The following CRPPA variants were observed in gnomAD, a reference collection of about 807,000 sequenced individuals.
CRPPA encodes the protein D-ribitol-5-phosphate cytidylyltransferase.
CRPPA carries 43 observed loss-of-function variants against 52.0 expected under a neutral mutation model. The observed-to-expected ratio is 0.83, with a 90% CI of 0.65 to 1.07. The LOEUF (loss-of-function observed/expected upper bound fraction) is 1.07, where lower values mean the gene tolerates loss of function less well. Among genes scored for constraint, CRPPA ranks in the 50% least tolerant of loss-of-function variants. The pLI, the probability that CRPPA is intolerant of heterozygous loss-of-function variation, is 0.00. For synonymous variants in CRPPA, 250 were observed against 203.5 expected (o/e 1.23, Z -1.94); for missense variants, 629 against 551.7 (o/e 1.14, Z -1.40).
intron 3 of CRPPA, among the ~76,000 whole-genome samples, chr7:16,364,148 G>A (rs994847051): frequency 5.9e-5 from 9 of 152,106 alleles, no homozygotes; most frequent in African/African-American, 2.2e-4. Context: ...TTACACTTAC[G>A]TGCCTGAAAG....
intron 9 of CRPPA, among the ~76,000 whole-genome samples, chr7:16,110,414 A>G (rs1401980524): frequency 6.6e-6 from 1 of 152,130 alleles, no homozygotes; most frequent in Non-Finnish European, 1.5e-5. Flanking sequence ...CATACAAATA[A>G]AAAATATTGT....
At chr7:16,294,498 G>A (rs1784631490) in intron 5 of CRPPA, among the ~76,000 whole-genome samples, 1 of 151,706 alleles carries the variant, frequency 6.6e-6, no homozygotes. Flanking sequence ...GATTTCAAGG[G>A]GAACAAACTG....
intron 3 of CRPPA, among the ~76,000 whole-genome samples, chr7:16,345,980 G>GT (rs1344340206): frequency 2.6e-5 from 4 of 152,164 alleles, no homozygotes; most frequent in Non-Finnish European, 4.4e-5. Flanking sequence ...CGTTGTAGAC[G>GT]TAAGTGTTCT....
At chr7:16,387,760 A>G (rs184737364) in intron 2 of CRPPA, among the ~76,000 whole-genome samples, 56 of 152,342 alleles carry the variant, frequency 3.7e-4, no homozygotes, top group African/African-American at 7.7e-4. Flanking sequence ...ACATGGAAAC[A>G]AAAGACTTGA....
chr7:16,187,985 T>A (rs1583416579), intron 9 of CRPPA, among the ~76,000 whole-genome samples: 2 of 151,910 alleles, frequency 1.3e-5, no homozygotes, highest in Admixed American at 1.3e-4. Context: ...TAGTTTGTGG[T>A]CTTACATAAA....
chr7:16,375,971 A>T, intron 3 of CRPPA, 121 bp downstream of exon 3: 1 of 903,054 alleles, frequency 1.1e-6, no homozygotes, highest in Non-Finnish European at 1.6e-6. Flanking sequence ...CATTGTAATA[A>T]GTCTTAGCCT....
intron 9 of CRPPA, among the ~76,000 whole-genome samples, chr7:16,173,897 T>G (rs1278489317): frequency 3.9e-5 from 6 of 152,194 alleles, no homozygotes; most frequent in Non-Finnish European, 8.8e-5. Context: ...TTAAAAACAC[T>G]GATTTATAGA....
intron 9 of CRPPA, among the ~76,000 whole-genome samples, chr7:16,131,561 C>T (rs768004183): frequency 1.1e-4 from 17 of 152,022 alleles, no homozygotes; most frequent in Admixed American, 3.9e-4. Flanking sequence ...GTGCAGAGTG[C>T]CCAGGTGTCA....
At chr7:16,260,302 A>ATCTC (rs59127218) in intron 6 of CRPPA, among the ~76,000 whole-genome samples, 5 of 151,662 alleles carry the variant, frequency 3.3e-5, no homozygotes, top group Admixed American at 2.6e-4. Flanking sequence ...AGATGGGGAC[A>ATCTC]TCTCTCTCTC....
intron 9 of CRPPA, among the ~76,000 whole-genome samples, chr7:16,201,823 T>C (rs1781867697): frequency 6.6e-6 from 1 of 152,172 alleles, no homozygotes; most frequent in Non-Finnish European, 1.5e-5. Context: ...TATTTGCAAA[T>C]AATGACTGAT....
chr7:16,185,425 C>T (rs1386146226), intron 9 of CRPPA, among the ~76,000 whole-genome samples: 2 of 152,126 alleles, frequency 1.3e-5, no homozygotes, highest in Non-Finnish European at 2.9e-5. Context: ...CACAGCCAAA[C>T]CATATCACCA....
intron 3 of CRPPA, among the ~76,000 whole-genome samples, chr7:16,347,937 C>T (rs11771657): frequency 6.6e-6 from 1 of 152,054 alleles, no homozygotes; most frequent in South Asian, 2.1e-4. Flanking sequence ...TGGTGGTTTT[C>T]TACAGGCACA....
chr7:16,105,455 A>G (rs549663555), intron 9 of CRPPA, among the ~76,000 whole-genome samples: 1 of 152,304 alleles, frequency 6.6e-6, no homozygotes, highest in Non-Finnish European at 1.5e-5. Flanking sequence ...CATCCCTACC[A>G]TTCTGGCATG....
At chr7:16,404,370 A>C (rs939587358) in intron 2 of CRPPA, among the ~76,000 whole-genome samples, 2 of 152,172 alleles carry the variant, frequency 1.3e-5, no homozygotes, top group African/African-American at 4.8e-5. Flanking sequence ...CAAATCTGCA[A>C]AAAGTAACTG....
intron 9 of CRPPA, among the ~76,000 whole-genome samples, chr7:16,105,982 G>A (rs1014564361): frequency 3.3e-5 from 5 of 152,100 alleles, no homozygotes; most frequent in Admixed American, 6.5e-5. Context: ...AGTGGCTCCA[G>A]TAAGCCAATA....
At chr7:16,405,869 G>C (rs1787939544) in intron 2 of CRPPA, among the ~76,000 whole-genome samples, 192 bp downstream of exon 2, 2 of 152,112 alleles carry the variant, frequency 1.3e-5, no homozygotes, top group South Asian at 4.2e-4. Context: ...TATGGTAGAT[G>C]ACTATAGCAA....
intron 4 of CRPPA, among the ~76,000 whole-genome samples, chr7:16,307,673 C>CAAAAAAAAAAA (rs55682769): frequency 1.4e-4 from 6 of 44,366 alleles, no homozygotes; most frequent in African/African-American, 5.3e-4. Context: ...GAAACTCTGT[C>CAAAAAAAAAAA]AAAAAAAAAA....
intron 3 of CRPPA, among the ~76,000 whole-genome samples, chr7:16,352,920 CACACAT>C (rs1298973454): frequency 8.1e-6 from 1 of 123,560 alleles, no homozygotes; most frequent in Non-Finnish European, 1.8e-5. Context: ...CACACACACA[CACACAT>C]TGGAGTACTA....
At chr7:16,301,679 G>C (rs1394201246) in intron 4 of CRPPA, among the ~76,000 whole-genome samples, 1 of 152,102 alleles carries the variant, frequency 6.6e-6, no homozygotes, top group Non-Finnish European at 1.5e-5. Context: ...AATAAATTAA[G>C]ATATTATGTG....
Sources: gnomAD v4.1 joint callset for allele counts (sites outside exome capture counted in the v4.1 genomes callset) on GRCh38, gnomAD v4.1.1 for gene constraint, MANE v1.5 for transcripts, NCBI Gene and HGNC (gene_info 2026-07-23, HGNC 2026-07-21) for gene names.